L3MBTL4: variants seen among roughly 807,000 people sequenced by gnomAD.
L3MBTL4 encodes lethal(3)malignant brain tumor-like protein 4.
A neutral mutation model predicts 84.5 loss-of-function variants in L3MBTL4; 70 were observed. That is an observed-to-expected ratio of 0.83 (90% CI 0.68 to 1.01). The LOEUF is 1.01. Ranked by LOEUF, L3MBTL4 falls within the 50% of genes least tolerant of loss-of-function variation. The pLI is 0.00. For missense variants in L3MBTL4, 715 were observed against 754.8 expected (o/e 0.95, Z 0.62); for synonymous variants, 274 against 259.8 (o/e 1.05, Z -0.52).
At chr18:6,061,998 A>G (rs2057239050) in intron 16 of L3MBTL4, among the ~76,000 whole-genome samples, 1 of 152,016 alleles carries the variant, frequency 6.6e-6, no homozygotes, top group African/African-American at 2.4e-5. Flanking sequence ...TTATTAAAAA[A>G]TAGTTGAACA....
chr18:6,374,234 T>C (rs1452451208), intron 1 of L3MBTL4: 1 of 152,624 alleles, frequency 6.6e-6, no homozygotes, highest in Admixed American at 6.5e-5. Context: ...GCGAGTCACT[T>C]ATCCCCTGTG....
intron 16 of L3MBTL4, among the ~76,000 whole-genome samples, chr18:6,037,986 C>T (rs147246877): frequency 1.3e-5 from 2 of 152,154 alleles, no homozygotes; most frequent in African/African-American, 4.8e-5. Context: ...GAGAGGATAA[C>T]GGGGTGAAAT....
At chr18:6,238,272 G>A (rs1184794071) in intron 9 of L3MBTL4, among the ~76,000 whole-genome samples, 1 of 152,176 alleles carries the variant, frequency 6.6e-6, no homozygotes, top group Non-Finnish European at 1.5e-5. Context: ...GGTGGCTCAC[G>A]CCTGTAATCC....
At chr18:6,123,904 G>A (rs1017180452) in intron 14 of L3MBTL4, among the ~76,000 whole-genome samples, 3 of 152,216 alleles carry the variant, frequency 2.0e-5, no homozygotes, top group African/African-American at 7.2e-5. Context: ...CCATTCCAGT[G>A]ATGTTTATGT....
At chr18:6,007,074 T>A (rs2054520808) in intron 16 of L3MBTL4, among the ~76,000 whole-genome samples, 1 of 151,780 alleles carries the variant, frequency 6.6e-6, no homozygotes, top group Non-Finnish European at 1.5e-5. Context: ...AATAAAAAAA[T>A]GGTAAACAAG....
intron 1 of L3MBTL4, among the ~76,000 whole-genome samples, chr18:6,358,438 C>T (rs559297574): frequency 2.6e-5 from 4 of 152,234 alleles, no homozygotes; most frequent in African/African-American, 9.6e-5. Context: ...AGTCAAAAGT[C>T]CCCTCCAAAA....
chr18:6,356,972 C>T (rs1337236843), intron 1 of L3MBTL4, among the ~76,000 whole-genome samples: 1 of 152,200 alleles, frequency 6.6e-6, no homozygotes, highest in Non-Finnish European at 1.5e-5. Flanking sequence ...CAGCTGCCCA[C>T]TGTCACTGGG....
chr18:6,282,173 C>T (rs1383166934), intron 4 of L3MBTL4, among the ~76,000 whole-genome samples: 1 of 152,200 alleles, frequency 6.6e-6, no homozygotes. Context: ...CATGGAGGAC[C>T]TACTGTGTAC....
chr18:5,957,623 G>A (rs958653330), intron 18 of L3MBTL4, among the ~76,000 whole-genome samples: 2 of 151,942 alleles, frequency 1.3e-5, no homozygotes, highest in Non-Finnish European at 2.9e-5. Flanking sequence ...ATTCTTCCAC[G>A]AACTTAGAAC....
At chr18:5,991,595 A>G (rs888714344) in intron 16 of L3MBTL4, among the ~76,000 whole-genome samples, 1 of 152,216 alleles carries the variant, frequency 6.6e-6, no homozygotes, top group Non-Finnish European at 1.5e-5. Context: ...GCGAGGAAAG[A>G]GGAAGATCTT....
Position 5,956,289 on chromosome 18 carries a change from G to A in L3MBTL4, c.1776C>T (p.Ile592=), listed in dbSNP as rs760240581. The A allele has an allele frequency of 1.9e-5, 30 of 1,613,888 alleles. No individual in the cohort carries two copies. The East Asian group carries it at 4.9e-4, about 26-fold the overall frequency. Residue 592 remains isoleucine, a synonymous_variant, in exon 19 of 19, where the codon ATC becomes ATT. Transcript: ENST00000317931. ...GTTCCTGGGAATGCCTGAACATCAGGATAGAGTTGTAAATCTTCAGTGCTG... is the reference window on the plus strand; with the variant it reads ...GTTCCTGGGAATGCCTGAACATCAGAATAGAGTTGTAAATCTTCAGTGCTG... ...LGPALKIYNS[I]LMFRHSQELP...
intron 3 of L3MBTL4, among the ~76,000 whole-genome samples, chr18:6,307,990 G>A (rs1414730247): frequency 6.6e-6 from 1 of 152,088 alleles, no homozygotes; most frequent in Admixed American, 6.5e-5. Flanking sequence ...TTTGTGCGCA[G>A]AACGCTTACA....
At chr18:6,254,941 T>C (rs1266755227) in intron 5 of L3MBTL4, among the ~76,000 whole-genome samples, 3 of 152,154 alleles carry the variant, frequency 2.0e-5, no homozygotes, top group Non-Finnish European at 4.4e-5. Context: ...AAAGATCATT[T>C]ATGAACAAAG....
chr18:5,971,362 G>C (rs970434289), intron 16 of L3MBTL4, among the ~76,000 whole-genome samples: 1 of 152,130 alleles, frequency 6.6e-6, no homozygotes, highest in Non-Finnish European at 1.5e-5. Context: ...ATTAAGACCT[G>C]GGCCAAAACT....
At chr18:6,206,264 T>A (rs1180831279) in intron 12 of L3MBTL4, among the ~76,000 whole-genome samples, 2 of 152,202 alleles carry the variant, frequency 1.3e-5, no homozygotes, top group African/African-American at 4.8e-5. Context: ...ATCTGTAGCA[T>A]CCCTCAGACA....
chr18:5,958,120 AG>A (rs1455077255), intron 18 of L3MBTL4, among the ~76,000 whole-genome samples: 129 of 52,682 alleles, frequency 2.4e-3, no homozygotes, highest in Non-Finnish European at 3.3e-3. Context: ...AAGAAGAAGA[AG>A]AAGAAGAAAA....
At chr18:5,991,185 A>T (rs961478450) in intron 16 of L3MBTL4, among the ~76,000 whole-genome samples, 2 of 152,140 alleles carry the variant, frequency 1.3e-5, no homozygotes, top group African/African-American at 4.8e-5. Flanking sequence ...AATATAATTG[A>T]GGTTCTTTCC....
At chr18:6,084,213 C>A (rs940424223) in intron 15 of L3MBTL4, among the ~76,000 whole-genome samples, 1 of 152,144 alleles carries the variant, frequency 6.6e-6, no homozygotes, top group Non-Finnish European at 1.5e-5. Flanking sequence ...CCCCGTAAGT[C>A]GAATCCTGCC....
rs550804449 is a variant in L3MBTL4, at chr18:6,009,541, G to A, written c.1445-39979C>T. ...GTATTCATGGGGAAATTGGTTCCAG[G>A]ACCCCTTTGGATACCATTGACAGGA... On this transcript the variant is annotated intron_variant, in intron 16 of 18. Coordinates refer to ENST00000317931, the MANE Select transcript of L3MBTL4 (RefSeq NM_001330559.2). Among the ~76,000 whole-genome samples the A allele has an allele frequency of 2.6e-5, 4 of 152,222 alleles. No homozygotes were observed. In the East Asian group the frequency reaches 7.7e-4, roughly 29 times the overall value.
Sources: allele counts gnomAD v4.1 joint callset (sites outside exome capture counted in the v4.1 genomes callset), GRCh38; gene constraint gnomAD v4.1.1; transcripts MANE v1.5; gene names NCBI Gene and HGNC (gene_info 2026-07-23, HGNC 2026-07-21).